The following ROR1 variants were observed in gnomAD, a reference collection of about 807,000 sequenced individuals.
ROR1 encodes the protein inactive tyrosine-protein kinase transmembrane receptor ROR1.
In ROR1, 19 loss-of-function variants were observed where a neutral mutation model predicts 78.8. The observed-to-expected ratio is 0.24, with a 90% CI of 0.17 to 0.35. ROR1 has a LOEUF of 0.35. ROR1 is among the 10% of genes least tolerant of loss of function. ROR1 has a pLI of 1.00. For missense variants in ROR1, 917 were observed against 1,177.8 expected (o/e 0.78, Z 3.24); for synonymous variants, 386 against 433.6 (o/e 0.89, Z 1.36).
intron 4 of ROR1, among the ~76,000 whole-genome samples, chr1:64,086,723 A>C (rs1647158235): frequency 6.6e-6 from 1 of 152,170 alleles, no homozygotes; most frequent in Non-Finnish European, 1.5e-5. Context: ...CCATTAAATA[A>C]GTGCTTTTTT....
chr1:63,793,743 T>G (rs1246334348), intron 1 of ROR1, among the ~76,000 whole-genome samples: 2 of 152,200 alleles, frequency 1.3e-5, no homozygotes, highest in Non-Finnish European at 2.9e-5. Flanking sequence ...TGGTGATGAC[T>G]GGCAGGTATA....
chr1:63,973,307 C>T (rs949076985), intron 1 of ROR1, among the ~76,000 whole-genome samples: 18 of 152,164 alleles, frequency 1.2e-4, no homozygotes, highest in Non-Finnish European at 1.3e-4. Flanking sequence ...GGCAGAAGAT[C>T]AAACGCTCCC....
At chr1:63,814,398 C>A (rs1644877375) in intron 1 of ROR1, among the ~76,000 whole-genome samples, 1 of 151,782 alleles carries the variant, frequency 6.6e-6, no homozygotes, top group African/African-American at 2.4e-5. Context: ...CACCAGGGAC[C>A]AGTTTTGTGG....
intron 1 of ROR1, among the ~76,000 whole-genome samples, chr1:63,806,251 G>C (rs1644827884): frequency 6.6e-6 from 1 of 151,888 alleles, no homozygotes; most frequent in Non-Finnish European, 1.5e-5. Context: ...CAAGGGTACT[G>C]CTCTGCAGAA....
intron 1 of ROR1, among the ~76,000 whole-genome samples, chr1:63,866,607 C>T (rs529744456): frequency 3.3e-5 from 5 of 152,024 alleles, no homozygotes; most frequent in African/African-American, 1.2e-4. Context: ...AGGGACCTAG[C>T]CTTTTTTTTT....
intron 4 of ROR1, chr1:64,106,478 C>T (rs894488608): frequency 6.6e-6 from 1 of 152,082 alleles, no homozygotes; most frequent in African/African-American, 2.4e-5. Flanking sequence ...TTGCCCTGGC[C>T]AAAACTTCAA....
At chr1:63,926,748 G>A (rs573924289) in intron 1 of ROR1, among the ~76,000 whole-genome samples, 1 of 113,774 alleles carries the variant, frequency 8.8e-6, no homozygotes, top group African/African-American at 3.0e-5. Flanking sequence ...TGGATTCCTA[G>A]GTATTTTATT....
At position 63,822,398 on chromosome 1, in the gene ROR1, T is replaced by C. The variant is rs185702604; in HGVS notation, c.91+47890T>C. Among the ~76,000 whole-genome samples, 42 of 152,310 alleles carry C rather than the reference T, an allele frequency of 2.8e-4. No individual in the cohort carries two copies. In the Middle Eastern group the frequency reaches 0.01, roughly 37 times the overall value. On this transcript the variant is annotated intron_variant, in intron 1 of 8. Transcript: ENST00000371079. ...TTCCTTTATTCTACTTATATGAGCA[T>C]CCAGAAGTCCTCAATTTTATTAGGA...
chr1:63,780,738 C>T (rs1240097900), intron 1 of ROR1, among the ~76,000 whole-genome samples: 2 of 152,154 alleles, frequency 1.3e-5, no homozygotes, highest in Non-Finnish European at 2.9e-5. Flanking sequence ...GAAGGGATTC[C>T]ACAGTGCAGT....
rs1390741104 is a variant in ROR1, at chr1:63,786,346, C to T, written c.91+11838C>T. ...GGAGTGCAGTGGCACAATCTCTGCT[C>T]ACTGCAAGCTCCGCCTCCCGGGTTC... On this transcript the variant is annotated intron_variant, in intron 1 of 8. Transcript: ENST00000371079. 8.6e-5 allele frequency among the ~76,000 whole-genome samples: 12 copies of T among 139,216 alleles called. No homozygotes were observed. In the Admixed American group the frequency reaches 9.7e-4, roughly 11 times the overall value. 91.3% of individuals were successfully genotyped at this position (139,216 alleles called of 152,430 possible).
chr1:64,138,591 G>C (rs1409971350), intron 5 of ROR1, among the ~76,000 whole-genome samples: 1 of 150,842 alleles, frequency 6.6e-6, no homozygotes, highest in Non-Finnish European at 1.5e-5. Context: ...TGTCACCCAG[G>C]CTGGAATGCA....
rs1260880 is a variant in ROR1 at position 63,967,451 on chromosome 1, C to G, written c.92-41854C>G. 1.9e-3 allele frequency among the ~76,000 whole-genome samples: 294 copies of G among 152,208 alleles called. 1 individual carries two copies. The highest frequency in any genetic ancestry group is 6.6e-3 in the African/African-American group (273 of 41,536). ...TGATGCTCAGGCTGGCCTTTGAACT[C>G]CTAGGCTCCATCGATCCTCCTGCCT... On this transcript the variant is annotated intron_variant, in intron 1 of 8. Coordinates refer to ENST00000371079, the MANE Select transcript of ROR1 (RefSeq NM_005012.4).
chr1:63,965,080 G>A (rs903093156), intron 1 of ROR1, among the ~76,000 whole-genome samples: 4 of 152,148 alleles, frequency 2.6e-5, no homozygotes, highest in African/African-American at 9.7e-5. Context: ...AATATGGCAT[G>A]CACTTTACAT....
intron 1 of ROR1, among the ~76,000 whole-genome samples, chr1:63,960,289 A>C (rs1478859045): frequency 2.0e-5 from 3 of 152,194 alleles, no homozygotes; most frequent in Non-Finnish European, 4.4e-5. Context: ...AGACCTTCCC[A>C]CAGCCGTGTT....
At chr1:64,052,885 A>G (rs1243457539) in intron 4 of ROR1, among the ~76,000 whole-genome samples, 2 of 150,408 alleles carry the variant, frequency 1.3e-5, no homozygotes, top group Non-Finnish European at 3.0e-5. Context: ...CCTGCTCTTT[A>G]TCTCTTCTCT....
chr1:64,039,211 G>A (rs915265249), intron 2 of ROR1, among the ~76,000 whole-genome samples: 20 of 152,202 alleles, frequency 1.3e-4, no homozygotes, highest in Non-Finnish European at 2.6e-4. Context: ...AGAATGGCTT[G>A]TGTGCCCTTT....
chr1:63,828,489 G>A (rs993387462), intron 1 of ROR1, among the ~76,000 whole-genome samples: 2 of 152,082 alleles, frequency 1.3e-5, no homozygotes, highest in Admixed American at 1.3e-4. Flanking sequence ...TCCCTGGGAG[G>A]CCAACACAAA....
chr1:64,139,248 A>C (rs1569841088), intron 5 of ROR1, among the ~76,000 whole-genome samples: 5 of 149,488 alleles, frequency 3.3e-5, no homozygotes. Flanking sequence ...TCTCTTGGAG[A>C]TTTCTAATGG....
At chr1:64,019,223 A>G (rs1646545351) in intron 2 of ROR1, among the ~76,000 whole-genome samples, 1 of 152,226 alleles carries the variant, frequency 6.6e-6, no homozygotes, top group Non-Finnish European at 1.5e-5. Flanking sequence ...TATTCTAACA[A>G]GTGATTAATA....
Sources: gnomAD v4.1 joint callset for allele counts (sites outside exome capture counted in the v4.1 genomes callset) on GRCh38, gnomAD v4.1.1 for gene constraint, MANE v1.5 for transcripts, NCBI Gene and HGNC (gene_info 2026-07-23, HGNC 2026-07-21) for gene names.